The following AFF3 variants were observed in gnomAD, a reference collection of about 807,000 sequenced individuals.
The protein encoded by AFF3 is ALF transcription elongation factor 3, also known as AF4/FMR2 family member 3.
AFF3 carries 32 observed loss-of-function variants against 129.7 expected under a neutral mutation model. The ratio of observed to expected loss-of-function variants is 0.25; its 90% CI spans 0.19 to 0.33. The LOEUF is 0.33. Among genes scored for constraint, AFF3 ranks in the 10% least tolerant of loss-of-function variants. AFF3 has a pLI of 1.00. For synonymous variants in AFF3, 644 were observed against 635.4 expected, an observed-to-expected ratio of 1.01 and a Z score of -0.20; for missense variants, 1,373 against 1,592.0, an observed-to-expected ratio of 0.86 and a Z score of 2.34.
At chr2:99,973,773 T>C (rs1413937645) in intron 7 of AFF3, among the ~76,000 whole-genome samples, 1 of 152,148 alleles carries the variant, frequency 6.6e-6, no homozygotes, top group Non-Finnish European at 1.5e-5. Context: ...ATTTTGTCTC[T>C]GCAGCTATTG....
chr2:100,037,406 A>G (rs906139583), intron 4 of AFF3, among the ~76,000 whole-genome samples: 5 of 137,398 alleles, frequency 3.6e-5, no homozygotes, highest in Non-Finnish European at 7.6e-5. Context: ...TATTTCATAT[A>G]TATTTATTTA....
At chr2:99,818,727 G>A (rs1687426917) in intron 8 of AFF3, among the ~76,000 whole-genome samples, 1 of 152,162 alleles carries the variant, frequency 6.6e-6, no homozygotes, top group Non-Finnish European at 1.5e-5. Flanking sequence ...CTAGAAGTTA[G>A]CAGGTATACA....
chr2:99,669,732 G>A (rs1011124050), intron 12 of AFF3, among the ~76,000 whole-genome samples: 2 of 152,186 alleles, frequency 1.3e-5, no homozygotes, highest in African/African-American at 4.8e-5. Flanking sequence ...CACTTTGGGA[G>A]GCCGAGGCGG....
chr2:99,828,086 T>G (rs1046234797), intron 8 of AFF3, among the ~76,000 whole-genome samples: 1 of 152,090 alleles, frequency 6.6e-6, no homozygotes, highest in Non-Finnish European at 1.5e-5. Flanking sequence ...AAAACCTTAC[T>G]CTGTGTATAA....
At chr2:99,615,741 T>C (rs1681363344) in intron 13 of AFF3, among the ~76,000 whole-genome samples, 1 of 152,158 alleles carries the variant, frequency 6.6e-6, no homozygotes, top group Non-Finnish European at 1.5e-5. Flanking sequence ...GTGCCAGGGG[T>C]TGGGGGCCAT....
At chr2:99,861,795 A>G (rs1409218342) in intron 7 of AFF3, among the ~76,000 whole-genome samples, 12 of 152,186 alleles carry the variant, frequency 7.9e-5, no homozygotes, top group Non-Finnish European at 4.4e-5. Context: ...GTGCTCTTCA[A>G]TTATCTCATC....
intron 10 of AFF3, among the ~76,000 whole-genome samples, chr2:99,742,617 C>T (rs1680810063): frequency 6.6e-6 from 1 of 152,178 alleles, no homozygotes; most frequent in African/African-American, 2.4e-5. Flanking sequence ...CAGCAGCTTT[C>T]TGGGAATCAA....
intron 8 of AFF3, among the ~76,000 whole-genome samples, chr2:99,828,528 C>T (rs1205722653): frequency 6.6e-6 from 1 of 152,150 alleles, no homozygotes; most frequent in Non-Finnish European, 1.5e-5. Flanking sequence ...CAAGCACGAA[C>T]GTGTAGCGAG....
rs1366324373 is a variant in AFF3, at chr2:99,593,339, G to A, written c.2322C>T (p.Leu774=). 6.2e-7 allele frequency: 1 copy of A among 1,614,114 alleles called. No homozygotes were observed. Among genetic ancestry groups the A allele is most frequent in the African/African-American group, 1.3e-5 (1 of 75,022 alleles). Residue 774 remains leucine (L), a synonymous_variant, in exon 15 of 25, where the codon CTC becomes CTT. Transcript: ENST00000672756. ...GCAGGTGTTCTGGGATCCTGGACAG[G>A]AGGGTCAGGTCGATTTTGACCCAGA... ...RSLWVKIDLT[L]LSRIPEHLPQ...
intron 7 of AFF3, among the ~76,000 whole-genome samples, chr2:99,854,854 T>G (rs184759970): frequency 1.6e-3 from 239 of 152,372 alleles, no homozygotes; most frequent in African/African-American, 5.5e-3. Flanking sequence ...ATGATCCATT[T>G]ATTTTTGATG....
At chr2:99,685,672 A>G (rs573950373) in intron 11 of AFF3, among the ~76,000 whole-genome samples, 1 of 152,314 alleles carries the variant, frequency 6.6e-6, no homozygotes, top group South Asian at 2.1e-4. Flanking sequence ...GAAGAAACGA[A>G]TCTTAAGTGC....
At chr2:99,634,616 G>C (rs963392625) in intron 13 of AFF3, among the ~76,000 whole-genome samples, 1 of 152,118 alleles carries the variant, frequency 6.6e-6, no homozygotes, top group Non-Finnish European at 1.5e-5. Flanking sequence ...ATAGGTAATA[G>C]TTCTCCAGTC....
intron 13 of AFF3, among the ~76,000 whole-genome samples, chr2:99,637,548 G>A (rs1683781572): frequency 6.6e-6 from 1 of 152,214 alleles, no homozygotes; most frequent in Admixed American, 6.5e-5. Flanking sequence ...GGGACTACCA[G>A]GTGTACCTTC....
At chr2:99,724,197 C>T (rs998894029) in intron 11 of AFF3, among the ~76,000 whole-genome samples, 12 of 150,326 alleles carry the variant, frequency 8.0e-5, no homozygotes, top group Admixed American at 6.0e-4. Flanking sequence ...GACCCACACC[C>T]CCTCTTGGTA....
chr2:99,982,706 G>A (rs370336132), intron 7 of AFF3, among the ~76,000 whole-genome samples: 1 of 152,246 alleles, frequency 6.6e-6, no homozygotes, highest in Admixed American at 6.5e-5. Context: ...CCAGGATACT[G>A]AATCGACTAG....
chr2:99,727,814 G>A (rs895086253), intron 10 of AFF3, among the ~76,000 whole-genome samples: 1 of 151,992 alleles, frequency 6.6e-6, no homozygotes. Context: ...TGCCCGCCTC[G>A]GCCTCTCAAA....
At chr2:99,890,995 C>T (rs182432985) in intron 7 of AFF3, among the ~76,000 whole-genome samples, 1 of 152,320 alleles carries the variant, frequency 6.6e-6, no homozygotes, top group East Asian at 1.9e-4. Flanking sequence ...TAGTTTGTTA[C>T]ACACAGTTCC....
chr2:99,970,077 G>A (rs1678209243), intron 7 of AFF3, among the ~76,000 whole-genome samples: 1 of 152,186 alleles, frequency 6.6e-6, no homozygotes, highest in Admixed American at 6.5e-5. Flanking sequence ...TGCTCTGTGA[G>A]AGGTAAAGAC....
intron 11 of AFF3, among the ~76,000 whole-genome samples, chr2:99,708,976 A>G (rs1474780892): frequency 6.6e-6 from 1 of 152,222 alleles, no homozygotes; most frequent in Non-Finnish European, 1.5e-5. Context: ...TCTTAATTCA[A>G]TTCAAAGAAT....
Sources: gnomAD v4.1 joint callset for allele counts (sites outside exome capture counted in the v4.1 genomes callset) on GRCh38, gnomAD v4.1.1 for gene constraint, MANE v1.5 for transcripts, NCBI Gene and HGNC (gene_info 2026-07-23, HGNC 2026-07-21) for gene names.